PAH: variants seen among roughly 807,000 people sequenced by gnomAD.
PAH encodes phenylalanine hydroxylase, also known as phenylalanine-4-hydroxylase.
A neutral mutation model predicts 62.0 loss-of-function variants in PAH; 64 were observed. That is an observed-to-expected ratio of 1.03 (90% CI 0.84 to 1.27). The LOEUF is 1.27. PAH is among the 50% of genes most tolerant of loss of function. The pLI is 0.00. For missense variants in PAH, 579 were observed against 542.8 expected, an observed-to-expected ratio of 1.07 and a Z score of -0.66; for synonymous variants, 195 against 196.2, an observed-to-expected ratio of 0.99 and a Z score of 0.05.
At chr12:102,845,061 C>T (rs185727831) in intron 9 of PAH, among the ~76,000 whole-genome samples, 165 of 152,260 alleles carry the variant, frequency 1.1e-3, no homozygotes, top group African/African-American at 3.8e-3. Flanking sequence ...CTAGTACACA[C>T]CTCAAAGAAG....
At chr12:102,881,583 T>C (rs549221008) in intron 3 of PAH, among the ~76,000 whole-genome samples, 12 of 152,300 alleles carry the variant, frequency 7.9e-5, no homozygotes, top group African/African-American at 2.2e-4. Context: ...ATCTTATGAC[T>C]GAAACTTTGT....
intron 6 of PAH, chr12:102,853,340 G>T: frequency 3.1e-6 from 1 of 323,138 alleles, no homozygotes; most frequent in Non-Finnish European, 6.0e-6. Context: ...AGTGAAGAGG[G>T]AATTTGAACC....
At chr12:102,914,681 G>A (rs1390574455) in intron 1 of PAH, 2 of 152,160 alleles carry the variant, frequency 1.3e-5, no homozygotes, top group Admixed American at 1.3e-4. Flanking sequence ...CCTGTCTCTA[G>A]TTCACTTGGT....
At position 102,837,042 on chromosome 12, in the gene PAH, G is replaced by T. The variant is rs759481943; in HGVS notation, c.*2133C>A. 9.2e-5 allele frequency: 14 copies of T among 152,030 alleles called. No individual in the cohort carries two copies. The highest frequency in any genetic ancestry group is 1.3e-4 in the Non-Finnish European group (9 of 67,998). 9.4% of individuals were successfully genotyped at this position (152,030 alleles called of 1,614,324 possible). ...TTAGAATTTTTTATGTATTTATTTTGATTGTACTCAGCAAGATCATCTGTC... is the reference window on the plus strand; with the variant it reads ...TTAGAATTTTTTATGTATTTATTTTTATTGTACTCAGCAAGATCATCTGTC... On this transcript the variant is annotated 3_prime_UTR_variant, in exon 13 of 13. Coordinates refer to ENST00000553106, the MANE Select transcript of PAH (RefSeq NM_000277.3).
intron 1 of PAH, chr12:102,914,373 A>G (rs184960594): frequency 6.5e-6 from 1 of 153,042 alleles, no homozygotes; most frequent in East Asian, 1.9e-4. Context: ...GCAACAACCT[A>G]AGAGGTAGGT....
chr12:102,868,088 GTA>G lies in PAH; in HGVS notation c.442-1427_442-1426del, dbSNP rs1318440704. Among the ~76,000 whole-genome samples, 64 of 45,230 alleles carry G rather than the reference GTA, an allele frequency of 1.4e-3. 5 individuals carry two copies. Among genetic ancestry groups the G allele is most frequent in the Admixed American group, 3.3e-3 (16 of 4,882 alleles). The allele number at this position is 45,230 out of a possible 152,430, so 29.7% of individuals were successfully genotyped here. On this transcript the variant is annotated intron_variant, in intron 4 of 12. Coordinates refer to ENST00000553106, the MANE Select transcript of PAH (RefSeq NM_000277.3). ...CATATATATACATATATGTGTGTGT[GTA>G]TATATATATATATACACATATATAT...
chr12:102,895,863 A>ATATATAT (rs1555208112), intron 2 of PAH, among the ~76,000 whole-genome samples: 1 of 133,644 alleles, frequency 7.5e-6, no homozygotes, highest in African/African-American at 3.4e-5. Flanking sequence ...TCAAAAAAAA[A>ATATATAT]AAAAAAATAT....
chr12:102,838,905 C>G lies in PAH; in HGVS notation c.*270G>C. ...TTTAATTAATCTTGATGAAATGCGA[C>G]AGATTACTGATTTAACTCAATTGAG... On this transcript the variant is annotated 3_prime_UTR_variant, in exon 13 of 13. Coordinates refer to ENST00000553106, the MANE Select transcript of PAH (RefSeq NM_000277.3). 1 of 501,558 alleles carries G rather than the reference C, an allele frequency of 2.0e-6. No homozygotes were observed. The highest frequency in any genetic ancestry group is 3.6e-6 in the Non-Finnish European group (1 of 280,132). The allele number at this position is 501,558 out of a possible 1,614,324, so 31.1% of individuals were successfully genotyped here. A position where few individuals can be genotyped will look rare whatever the true frequency, so the allele number is the denominator to read the frequency against.
At chr12:102,937,964 T>C (rs1435169783) in intron 1 of PAH, among the ~76,000 whole-genome samples, 1 of 152,230 alleles carries the variant, frequency 6.6e-6, no homozygotes, top group Non-Finnish European at 1.5e-5. Flanking sequence ...TAAACATTTT[T>C]TTCCAGAGGG....
In PAH at chr12:102,935,208, G is replaced by A. The variant is rs533289185; in HGVS notation, c.-96+15381C>T. On this transcript the variant is annotated intron_variant, in intron 1 of 3. Coordinates refer to the PAH transcript ENST00000546844. ...TATGATGTATCACTTTGATTGATAT[G>A]TAAATGTTGAACCATCCTTGTATCC... 1.7e-4 allele frequency among the ~76,000 whole-genome samples: 26 copies of A among 152,218 alleles called. No individual in the cohort carries two copies. The South Asian group carries it at 3.3e-3, about 19-fold the overall frequency.
intron 12 of PAH, among the ~76,000 whole-genome samples, 172 bp from the exon 13 acceptor site, chr12:102,839,390 A>G (rs142542196): frequency 5.3e-4 from 80 of 152,368 alleles, no homozygotes; most frequent in African/African-American, 1.9e-3. Flanking sequence ...TGCATGTTTT[A>G]GAAAATGCCA....
intron 1 of PAH, among the ~76,000 whole-genome samples, chr12:102,936,648 C>T (rs74996712): frequency 0.014 from 2,133 of 152,188 alleles, 23 homozygotes; most frequent in Non-Finnish European, 0.021. Flanking sequence ...TTCTTTGTCG[C>T]TTTAAATAGT....
At chr12:102,927,280 GTTT>G (rs34781084) in intron 1 of PAH, among the ~76,000 whole-genome samples, 3,265 of 129,180 alleles carry the variant, frequency 0.025, 120 homozygotes, top group African/African-American at 0.088. Context: ...CTTCAAAAAA[GTTT>G]TTTTTTTTTT....
intron 1 of PAH, among the ~76,000 whole-genome samples, chr12:102,940,267 C>T (rs73395435): frequency 0.032 from 4,808 of 152,228 alleles, 263 homozygotes; most frequent in African/African-American, 0.11. Flanking sequence ...TTCTAAAAGC[C>T]AAAGCTTCTC....
At chr12:102,917,375 G>A (rs1055597782), upstream of PAH, 2 of 536,202 alleles carry the variant, frequency 3.7e-6, no homozygotes, top group Admixed American at 5.9e-5. Context: ...CGGAGGGGAG[G>A]GGCTGAGGGA....
In PAH at chr12:102,926,413, T is replaced by TGGC. The variant is rs1878684643; in HGVS notation, c.-95-9189_-95-9188insGCC. Among the ~76,000 whole-genome samples the TGGC allele has an allele frequency of 2.0e-5, 3 of 151,482 alleles. No homozygotes were observed. In the South Asian group the frequency reaches 6.3e-4, roughly 32 times the overall value. On this transcript the variant is annotated intron_variant, in intron 1 of 3. Coordinates refer to the PAH transcript ENST00000546844. The stretch of plus-strand genomic sequence containing the variant: ...TGAGGAGCATACATAAGCCAGTTGT[T>TGGC]GGGGGGGCGGGTAAAGAGAGTGAAA...
At chr12:102,936,140 C>G (rs763319272) in intron 1 of PAH, among the ~76,000 whole-genome samples, 7 of 151,858 alleles carry the variant, frequency 4.6e-5, no homozygotes, top group Non-Finnish European at 8.8e-5. Context: ...ATTCATTGAC[C>G]CACTGGTCAT....
At chr12:102,886,758 T>C (rs1183274709) in intron 3 of PAH, among the ~76,000 whole-genome samples, 1 of 152,140 alleles carries the variant, frequency 6.6e-6, no homozygotes, top group Non-Finnish European at 1.5e-5. Flanking sequence ...TCTCTATCAT[T>C]GCCATGTATT....
chr12:102,852,395 A>G (rs558690760), intron 7 of PAH: 87 of 238,990 alleles, frequency 3.6e-4, no homozygotes, highest in African/African-American at 1.9e-3. Flanking sequence ...CACCCAAGTA[A>G]GAAGCATAAT....
Sources: allele counts gnomAD v4.1 joint callset (sites outside exome capture counted in the v4.1 genomes callset), GRCh38; gene constraint gnomAD v4.1.1; transcripts MANE v1.5; gene names NCBI Gene and HGNC (gene_info 2026-07-23, HGNC 2026-07-21).